FAM91A1: variants seen among roughly 807,000 people sequenced by gnomAD.
The protein encoded by FAM91A1 is family with sequence similarity 91 member A1.
A neutral mutation model predicts 113.5 loss-of-function variants in FAM91A1; 41 were observed. That is an observed-to-expected ratio of 0.36 (90% confidence interval 0.28 to 0.47). FAM91A1 has a LOEUF of 0.47. Among genes scored for constraint, FAM91A1 ranks in the 20% least tolerant of loss-of-function variants. FAM91A1 has a pLI of 1.00. For synonymous variants in FAM91A1, 307 were observed against 347.9 expected (o/e 0.88, Z 1.31); for missense variants, 696 against 1,001.2 (o/e 0.70, Z 4.11).
Position 123,778,697 on chromosome 8 carries a change from A to G in FAM91A1, c.474A>G (p.Pro158=), listed in dbSNP as rs781318333. Residue 158 remains proline (P), a synonymous_variant, in exon 6 of 24, where the codon CCA becomes CCG. Coordinates refer to ENST00000334705, the MANE Select transcript of FAM91A1 (RefSeq NM_144963.4). The part of the protein sequence containing the change: ...FRRKTARDLL[P]IKPVEIAIEA... Reference sequence around the variant, plus strand: ...GGAAAACAGCCCGTGATCTTCTACCAATAAAGCCAGTGGAAATTGCCATAG... The same window carrying G: ...GGAAAACAGCCCGTGATCTTCTACCGATAAAGCCAGTGGAAATTGCCATAG... The G allele has an allele frequency of 1.2e-6, 2 of 1,610,348 alleles. No homozygotes were observed. The highest frequency in any genetic ancestry group is 1.7e-6 in the Non-Finnish European group (2 of 1,178,890).
chr8:123,799,733 T>A, intron 17 of FAM91A1, 39 bp from the exon 18 acceptor site: 1 of 1,604,818 alleles, frequency 6.2e-7, no homozygotes, highest in East Asian at 2.2e-5. Context: ...TTTTCCTTAT[T>A]TCTGAATGCC....
At chr8:123,772,785 A>G (rs1488271794) in intron 1 of FAM91A1, among the ~76,000 whole-genome samples, 1 of 152,220 alleles carries the variant, frequency 6.6e-6, no homozygotes, top group African/African-American at 2.4e-5. Context: ...CGGCCATAAC[A>G]CAGTTGATGA....
At chr8:123,796,250 G>A (rs763174051) in intron 15 of FAM91A1, among the ~76,000 whole-genome samples, 6 of 152,122 alleles carry the variant, frequency 3.9e-5, no homozygotes, top group Non-Finnish European at 5.9e-5. Context: ...AACTCTAATA[G>A]AACCTCATGA....
rs73335687 is a variant in FAM91A1, at chr8:123,777,143, A to G, written c.310-122A>G. On this transcript the variant is annotated intron_variant, in intron 3 of 23. Transcript: ENST00000334705. ...GTGGCATGTATGCTCTAGGTAGCCA[A>G]ACTATGATCTTACTGCTTCCTGTAA... is the stretch of plus-strand genomic sequence containing the variant. The G allele has an allele frequency of 8.1e-3, 5,841 of 717,512 alleles. 242 individuals are homozygous for G. In the African/African-American group the frequency reaches 0.096, roughly 12 times the overall value. 44.4% of individuals were successfully genotyped at this position (717,512 alleles called of 1,614,324 possible). A position where few individuals can be genotyped will look rare whatever the true frequency, so the allele number is the denominator to read the frequency against.
Position 123,774,156 on chromosome 8 carries a change from ATAACT to A in FAM91A1, c.152_156del (p.Asn51SerfsTer2). On this transcript the variant is annotated frameshift_variant, in exon 2 of 24. Transcript: ENST00000334705. LOFTEE classifies it high-confidence loss of function. The stretch of plus-strand genomic sequence containing the variant: ...ATCCGCAATCAGTTACGATATAGAA[ATAACT>A]TAGGTAAGTAGAGCCATGTTTATAT... 1 of 1,607,758 alleles carries A rather than the reference ATAACT, an allele frequency of 6.2e-7. No individual in the cohort carries two copies. Among genetic ancestry groups the A allele is most frequent in the Non-Finnish European group, 8.5e-7 (1 of 1,177,902 alleles).
At chr8:123,804,235 C>T (rs572366840) in intron 18 of FAM91A1, among the ~76,000 whole-genome samples, 5 of 151,820 alleles carry the variant, frequency 3.3e-5, no homozygotes, top group African/African-American at 7.2e-5. Context: ...CCTGTAATCC[C>T]AGTACTTTGG....
At chr8:123,804,476 G>A (rs1357911521) in intron 18 of FAM91A1, among the ~76,000 whole-genome samples, 2 of 101,166 alleles carry the variant, frequency 2.0e-5, no homozygotes, top group African/African-American at 7.7e-5. Flanking sequence ...GAGTAACAGA[G>A]CAAGACTCTG....
Position 123,798,165 on chromosome 8 carries a change from A to G in FAM91A1, c.1487A>G (p.Lys496Arg). ...GCAACTTGCAGCAGAGTTCTAAACA[A>G]AAATTACACGCTGCTTGTTTCCATG... ...DPATCSRVLN[K>R]NYTLLVSMAP... The change falls in exon 16 of 24, where the codon AAA (lysine) becomes AGA (arginine). Residue 496 changes from lysine (K) to arginine (R), a missense_variant. Transcript: ENST00000334705. 6.2e-7 allele frequency: 1 copy of G among 1,614,194 alleles called. No homozygotes were observed. The highest frequency in any genetic ancestry group is 8.5e-7 in the Non-Finnish European group (1 of 1,180,004).
chr8:123,781,474 ATTTTTTTT>A (rs35842167), intron 8 of FAM91A1, among the ~76,000 whole-genome samples: 3 of 121,276 alleles, frequency 2.5e-5, no homozygotes, highest in Admixed American at 8.5e-5. Flanking sequence ...GCATATGTGA[ATTTTTTTT>A]TTTTTTTTTT....
chr8:123,810,160 GA>G, intron 22 of FAM91A1, 121 bp from the exon 23 acceptor site: 2 of 856,800 alleles, frequency 2.3e-6, no homozygotes, highest in Non-Finnish European at 3.5e-6. Flanking sequence ...TGTTTTTTAA[GA>G]TGTTTTGTGA....
intron 1 of FAM91A1, among the ~76,000 whole-genome samples, chr8:123,770,999 G>A (rs1160657548): frequency 1.3e-5 from 2 of 152,140 alleles, no homozygotes; most frequent in Non-Finnish European, 2.9e-5. Context: ...GACTTTCTCT[G>A]CATTCTTCAT....
intron 5 of FAM91A1, 143 bp from the exon 6 acceptor site, chr8:123,778,516 T>C: frequency 1.7e-6 from 1 of 588,910 alleles, no homozygotes; most frequent in East Asian, 3.1e-5. Flanking sequence ...TATGTTAATA[T>C]CTAGAATTGT....
intron 1 of FAM91A1, 81 bp downstream of exon 1, chr8:123,768,855 G>T: frequency 1.4e-6 from 2 of 1,422,660 alleles, no homozygotes; most frequent in South Asian, 1.2e-5. Flanking sequence ...CGCGGGGCCC[G>T]AGCGGGCTGC....
intron 2 of FAM91A1, 98 bp from the exon 3 acceptor site, chr8:123,775,048 CT>C (rs1195878410): frequency 3.5e-6 from 4 of 1,139,646 alleles, no homozygotes; most frequent in Non-Finnish European, 4.7e-6. Context: ...AATTTACATA[CT>C]TTTCTTTTAA....
intron 18 of FAM91A1, among the ~76,000 whole-genome samples, chr8:123,800,286 C>G (rs1224590347): frequency 6.6e-6 from 1 of 151,298 alleles, no homozygotes; most frequent in Non-Finnish European, 1.5e-5. Context: ...ATATAAATAC[C>G]TGGGATAAAG....
chr8:123,790,624 T>C (rs1815360771), intron 15 of FAM91A1, among the ~76,000 whole-genome samples: 1 of 152,252 alleles, frequency 6.6e-6, no homozygotes, highest in African/African-American at 2.4e-5. Context: ...TCATTTATTC[T>C]CTCACTAGCA....
At chr8:123,804,299 A>G (rs1453360614) in intron 18 of FAM91A1, among the ~76,000 whole-genome samples, 2 of 152,028 alleles carry the variant, frequency 1.3e-5, no homozygotes, top group African/African-American at 4.8e-5. Flanking sequence ...GAGCCTGGCC[A>G]ACATGGAGAA....
chr8:123,782,237 A>G (rs2130072595), intron 8 of FAM91A1, among the ~76,000 whole-genome samples: 1 of 152,338 alleles, frequency 6.6e-6, no homozygotes, highest in Non-Finnish European at 1.5e-5. Context: ...ATTTGGTGGT[A>G]CAGACAGACC....
intron 6 of FAM91A1, 135 bp from the exon 7 acceptor site, chr8:123,779,850 A>G (rs1198338679): frequency 7.3e-6 from 5 of 686,366 alleles, no homozygotes; most frequent in African/African-American, 1.8e-5. Flanking sequence ...TTTTGTTTGA[A>G]TTATAGAGTG....
Sources: gnomAD v4.1 joint callset for allele counts (sites outside exome capture counted in the v4.1 genomes callset) on GRCh38, gnomAD v4.1.1 for gene constraint, MANE v1.5 for transcripts, NCBI Gene and HGNC (gene_info 2026-07-23, HGNC 2026-07-21) for gene names.